Variants in MBNL2 observed in about 807,000 individuals in gnomAD.
The protein encoded by MBNL2 is muscleblind-like protein 2.
In MBNL2, 17 loss-of-function variants were observed where a neutral mutation model predicts 41.9. The observed-to-expected ratio is 0.41, with a 90% CI of 0.28 to 0.61. The LOEUF (loss-of-function observed/expected upper bound fraction) is 0.61, where lower values mean the gene tolerates loss of function less well. Ranked by LOEUF, MBNL2 falls within the 20% of genes least tolerant of loss-of-function variation. The pLI is 0.35. For missense variants in MBNL2, 336 were observed against 505.6 expected (o/e 0.66, Z 3.22); for synonymous variants, 195 against 182.9 (o/e 1.07, Z -0.53).
intron 1 of MBNL2, among the ~76,000 whole-genome samples, chr13:97,235,352 C>A (rs2152797069): frequency 6.6e-6 from 1 of 151,768 alleles, no homozygotes; most frequent in Middle Eastern, 3.4e-3. Context: ...ATGAGTTTTC[C>A]CCACTCGGTG....
At chr13:97,263,867 C>T (rs551971513) in intron 1 of MBNL2, among the ~76,000 whole-genome samples, 1 of 152,248 alleles carries the variant, frequency 6.6e-6, no homozygotes, top group South Asian at 2.1e-4. Flanking sequence ...ATCTGCCCGC[C>T]TCGGCCTCCG....
rs140515454 is a variant in MBNL2, at chr13:97,297,258, C to A, written c.174+20849C>A. Among the ~76,000 whole-genome samples, 334 of 152,238 alleles carry A rather than the reference C, an allele frequency of 2.2e-3. 1 individual carries two copies. Among genetic ancestry groups the A allele is most frequent in the African/African-American group, 7.3e-3 (302 of 41,532 alleles). ...TCTGTCTTTGACATAGAGGGTTCAG[C>A]AGTGAAGACAACACTACTGCCTTCA... is the stretch of plus-strand genomic sequence containing the variant. On this transcript the variant is annotated intron_variant, in intron 2 of 8. Transcript: ENST00000679496.
At chr13:97,330,016 A>C (rs537971685) in intron 2 of MBNL2, among the ~76,000 whole-genome samples, 116 of 152,308 alleles carry the variant, frequency 7.6e-4, no homozygotes, top group African/African-American at 2.7e-3. Flanking sequence ...TTGTAACAAG[A>C]CATGTTTTGT....
At chr13:97,353,661 A>G (rs1037540614) in intron 5 of MBNL2, among the ~76,000 whole-genome samples, 10 of 152,204 alleles carry the variant, frequency 6.6e-5, no homozygotes, top group Admixed American at 1.3e-4. Context: ...AACCATCACC[A>G]TCACCAGAAT....
chr13:97,323,050 G>A (rs550513974), intron 2 of MBNL2, among the ~76,000 whole-genome samples: 117 of 152,152 alleles, frequency 7.7e-4, no homozygotes, highest in Non-Finnish European at 1.4e-3. Flanking sequence ...ACAGGCTTGG[G>A]ACAGTGTCTG....
At chr13:97,221,369 G>GAAATACATAAAT (rs2040842871), upstream of MBNL2, 1 of 150,926 alleles carries the variant, frequency 6.6e-6, no homozygotes, top group Admixed American at 6.6e-5. Flanking sequence ...TGTAGACTGG[G>GAAATACATAAAT]AAATAAATAA....
intron 2 of MBNL2, among the ~76,000 whole-genome samples, chr13:97,295,339 A>G (rs1355615422): frequency 6.6e-6 from 1 of 151,608 alleles, no homozygotes; most frequent in East Asian, 1.9e-4. Context: ...TTTTTTCTAT[A>G]CCAAAGATAC....
At chr13:97,183,947 T>C in the MBNL2 span, among the ~76,000 whole-genome samples, 19 of 152,318 alleles carry the variant, frequency 1.2e-4, no homozygotes, top group South Asian at 3.5e-3. Flanking sequence ...TTTTTCACAA[T>C]CATGCTTTGG....
At chr13:97,271,338 C>T (rs537411770) in intron 1 of MBNL2, among the ~76,000 whole-genome samples, 41 of 152,026 alleles carry the variant, frequency 2.7e-4, no homozygotes, top group African/African-American at 9.6e-4. Flanking sequence ...AAACTCCTGG[C>T]CTCAAGTGAT....
the MBNL2 span, among the ~76,000 whole-genome samples, chr13:97,183,610 T>G: frequency 2.0e-5 from 3 of 152,200 alleles, no homozygotes; most frequent in African/African-American, 7.2e-5. Flanking sequence ...GTTTTACAGT[T>G]TGACAATTTT....
Position 97,276,148 on chromosome 13 carries a change from G to A in MBNL2, c.-88G>A. 1 of 1,027,806 alleles carries A rather than the reference G, an allele frequency of 9.7e-7. No individual in the cohort carries two copies. Among genetic ancestry groups the A allele is most frequent in the African/African-American group, 1.6e-5 (1 of 63,044 alleles). 63.7% of individuals were successfully genotyped at this position (1,027,806 alleles called of 1,614,324 possible). A position where few individuals can be genotyped will look rare whatever the true frequency, so the allele number is the denominator to read the frequency against. On this transcript the variant is annotated 5_prime_UTR_variant, in exon 2 of 9. Transcript: ENST00000679496. Reference sequence around the variant, plus strand: ...CTCACCTTCAGACTTACATGTGGGAGTTTTCACAACAGTAGTTTTGGAATC... The same window carrying A: ...CTCACCTTCAGACTTACATGTGGGAATTTTCACAACAGTAGTTTTGGAATC...
intron 1 of MBNL2, among the ~76,000 whole-genome samples, chr13:97,229,221 T>C (rs1185450567): frequency 1.3e-5 from 2 of 150,978 alleles, no homozygotes; most frequent in Non-Finnish European, 2.9e-5. Context: ...CATATAATTT[T>C]CAGTGTTCTC....
intron 2 of MBNL2, among the ~76,000 whole-genome samples, chr13:97,321,554 T>C (rs774963788): frequency 6.6e-6 from 1 of 152,182 alleles, no homozygotes; most frequent in Non-Finnish European, 1.5e-5. Context: ...CAGCAGGCGA[T>C]GGAGAAGGCA....
chr13:97,252,077 C>G (rs1443211496), intron 1 of MBNL2, among the ~76,000 whole-genome samples: 1 of 151,552 alleles, frequency 6.6e-6, no homozygotes, highest in Non-Finnish European at 1.5e-5. Context: ...GTCTCGATCT[C>G]CTGACCTCAT....
intron 2 of MBNL2, among the ~76,000 whole-genome samples, chr13:97,327,162 A>T (rs536002338): frequency 1.8e-4 from 27 of 152,214 alleles, no homozygotes; most frequent in Non-Finnish European, 3.5e-4. Flanking sequence ...TGTTTGATCG[A>T]AATTTTCACT....
chr13:97,213,387 C>CT, the MBNL2 span, among the ~76,000 whole-genome samples: 1 of 152,062 alleles, frequency 6.6e-6, no homozygotes, highest in African/African-American at 2.4e-5. Context: ...AGTTAGATTT[C>CT]TTTTTTTAAG....
upstream of MBNL2, chr13:97,222,332 T>G (rs1436960011): frequency 2.5e-6 from 1 of 398,416 alleles, no homozygotes; most frequent in Non-Finnish European, 4.4e-6. Context: ...CAACAGAGTT[T>G]AGACTGTCTT....
At chr13:97,148,204 A>G in the MBNL2 span, among the ~76,000 whole-genome samples, 39 of 152,244 alleles carry the variant, frequency 2.6e-4, no homozygotes, top group African/African-American at 9.4e-4. Flanking sequence ...AATTTCAAAA[A>G]ATAGAGGCTT....
At chr13:97,348,810 A>G (rs2062142668) in intron 5 of MBNL2, among the ~76,000 whole-genome samples, 3 of 152,236 alleles carry the variant, frequency 2.0e-5, no homozygotes, top group Admixed American at 6.5e-5. Flanking sequence ...TACACTGATT[A>G]CTGATTAAAA....
Sources: allele counts gnomAD v4.1 joint callset (sites outside exome capture counted in the v4.1 genomes callset), GRCh38; gene constraint gnomAD v4.1.1; transcripts MANE v1.5; gene names NCBI Gene and HGNC (gene_info 2026-07-23, HGNC 2026-07-21).